The following RIMKLB variants were observed in gnomAD, a reference collection of about 807,000 sequenced individuals.
The protein encoded by RIMKLB is beta-citrylglutamate synthase B.
Under a neutral mutation model 32.0 loss-of-function variants are expected in RIMKLB, and 7 were observed. The ratio of observed to expected loss-of-function variants is 0.22; its 90% CI spans 0.12 to 0.41. The LOEUF (loss-of-function observed/expected upper bound fraction) is 0.41. Ranked by LOEUF, RIMKLB falls within the 10% of genes least tolerant of loss-of-function variation. RIMKLB has a pLI of 1.00. For missense variants in RIMKLB, 289 were observed against 498.7 expected, an observed-to-expected ratio of 0.58 and a Z score of 4.00; for synonymous variants, 172 against 185.1, an observed-to-expected ratio of 0.93 and a Z score of 0.57.
chr12:8,686,329 C>CT (rs1257363708), intron 1 of RIMKLB, among the ~76,000 whole-genome samples: 26 of 151,676 alleles, frequency 1.7e-4, no homozygotes, highest in African/African-American at 6.1e-4. Flanking sequence ...GAGTCTCACT[C>CT]TGTCACCCAG....
chr12:8,767,348 T>C lies in RIMKLB; in HGVS notation c.698-5973T>C, dbSNP rs769155600. On this transcript the variant is annotated intron_variant, in intron 5 of 5. Transcript: ENST00000535829. The stretch of plus-strand genomic sequence containing the variant: ...CCATGTCGAGAGCTGTATGCCTAAA[T>C]TGGGAGAGACACCAGGGACAAGACT... 1.5e-4 allele frequency among the ~76,000 whole-genome samples: 23 copies of C among 152,250 alleles called. No homozygotes were observed. In the East Asian group the frequency reaches 4.3e-3, roughly 28 times the overall value.
chr12:8,706,465 C>CT (rs1943891173), intron 1 of RIMKLB, among the ~76,000 whole-genome samples: 1 of 79,312 alleles, frequency 1.3e-5, no homozygotes, highest in African/African-American at 4.1e-5. Flanking sequence ...TTTTTTTTTT[C>CT]CTGAGACTGA....
At chr12:8,777,610 AC>A (rs1334630747), downstream of RIMKLB, 3 of 1,288,744 alleles carry the variant, frequency 2.3e-6, no homozygotes, top group Non-Finnish European at 3.0e-6. Context: ...AGCCAAAAAA[AC>A]AAATACAAAC....
At chr12:8,748,622 AT>A (rs747952130) in intron 2 of RIMKLB, among the ~76,000 whole-genome samples, 78 of 138,186 alleles carry the variant, frequency 5.6e-4, no homozygotes, top group East Asian at 1.2e-3. Flanking sequence ...TATATATATA[AT>A]TTTTTTTTTA....
chr12:8,677,909 T>A (rs987791823), upstream of RIMKLB, among the ~76,000 whole-genome samples: 2 of 150,752 alleles, frequency 1.3e-5, no homozygotes, highest in Non-Finnish European at 3.0e-5. Context: ...TGCGCCACCA[T>A]GCCTGGCTAA....
chr12:8,715,333 C>A (rs750443766), intron 2 of RIMKLB, among the ~76,000 whole-genome samples: 2 of 149,314 alleles, frequency 1.3e-5, no homozygotes, highest in South Asian at 4.2e-4. Flanking sequence ...CAAGTAAATT[C>A]TTGTGCCTCA....
At chr12:8,714,880 CT>C (rs1944678082) in intron 2 of RIMKLB, among the ~76,000 whole-genome samples, 1 of 152,070 alleles carries the variant, frequency 6.6e-6, no homozygotes, top group Non-Finnish European at 1.5e-5. Context: ...CACTTTCTTC[CT>C]TTGTGACTAG....
chr12:8,683,681 C>G (rs772067093), intron 1 of RIMKLB, among the ~76,000 whole-genome samples: 2 of 152,116 alleles, frequency 1.3e-5, no homozygotes, highest in African/African-American at 4.8e-5. Context: ...ATATTTGTTC[C>G]CGGTCTGGCT....
intron 5 of RIMKLB, among the ~76,000 whole-genome samples, chr12:8,771,484 T>C (rs1950389485): frequency 6.6e-6 from 1 of 152,168 alleles, no homozygotes; most frequent in African/African-American, 2.4e-5. Flanking sequence ...AAAACCAATA[T>C]ATAATTTAGA....
chr12:8,741,774 AAACT>A (rs1947556871), intron 2 of RIMKLB, among the ~76,000 whole-genome samples: 1 of 151,822 alleles, frequency 6.6e-6, no homozygotes, highest in Admixed American at 6.6e-5. Context: ...AGCAAGACCA[AAACT>A]AACTATTGGG....
At chr12:8,764,773 A>AG (rs1419621319) in intron 5 of RIMKLB, among the ~76,000 whole-genome samples, 2 of 151,986 alleles carry the variant, frequency 1.3e-5, no homozygotes, top group East Asian at 3.9e-4. Flanking sequence ...CCTTTACATA[A>AG]GGGGCATGGA....
Position 8,704,971 on chromosome 12 carries a change from AACACACACACACAC to A in RIMKLB, c.-57+6690_-57+6703del, listed in dbSNP as rs3076182. On this transcript the variant is annotated intron_variant, in intron 1 of 5. Coordinates refer to ENST00000535829, the MANE Select transcript of RIMKLB (RefSeq NM_001297776.2). Reference sequence around the variant, plus strand: ...GTGCAGAGCAAGACCTCACCTCTAAAACACACACACACACACACACACACACACAAAACCCCAAA... The same window carrying A: ...GTGCAGAGCAAGACCTCACCTCTAAAACACACACACACACAAAACCCCAAA... Among the ~76,000 whole-genome samples the A allele has an allele frequency of 2.0e-4, 30 of 146,604 alleles. 1 individual carries two copies. Among genetic ancestry groups the A allele is most frequent in the Admixed American group, 2.1e-4 (3 of 14,596 alleles).
downstream of RIMKLB, chr12:8,779,576 G>A (rs1037948206): frequency 6.6e-6 from 1 of 152,160 alleles, no homozygotes; most frequent in African/African-American, 2.4e-5. Context: ...CTAGTCTTTG[G>A]TGCTTATGTC....
chr12:8,696,267 G>C (rs1942886650), upstream of RIMKLB, among the ~76,000 whole-genome samples: 1 of 152,078 alleles, frequency 6.6e-6, no homozygotes, highest in Non-Finnish European at 1.5e-5. Flanking sequence ...GCTTCTCTTG[G>C]TCTTGGAGTT....
chr12:8,680,302 G>A (rs549876230), upstream of RIMKLB, among the ~76,000 whole-genome samples: 587 of 152,066 alleles, frequency 3.9e-3, 1 homozygote, highest in Middle Eastern at 0.014. Context: ...GACTACAGGC[G>A]CCCGCCACCA....
chr12:8,768,125 C>A (rs1453719730), intron 5 of RIMKLB, among the ~76,000 whole-genome samples: 2 of 152,158 alleles, frequency 1.3e-5, no homozygotes, highest in Non-Finnish European at 2.9e-5. Flanking sequence ...CTATTAGAAG[C>A]CATGGGTCAC....
chr12:8,726,321 A>G (rs556365686), intron 2 of RIMKLB, among the ~76,000 whole-genome samples: 4 of 152,252 alleles, frequency 2.6e-5, no homozygotes, highest in African/African-American at 9.6e-5. Context: ...TTTTTCGTAT[A>G]CTTATTTGCC....
intron 2 of RIMKLB, among the ~76,000 whole-genome samples, chr12:8,726,889 CTTCCA>C (rs201445686): frequency 0.011 from 1,646 of 152,084 alleles, 24 homozygotes; most frequent in African/African-American, 0.038. Flanking sequence ...TTATTTTTGT[CTTCCA>C]TTCTTTTTTT....
intron 2 of RIMKLB, among the ~76,000 whole-genome samples, chr12:8,715,271 C>T (rs1032259196): frequency 7.1e-6 from 1 of 141,636 alleles, no homozygotes; most frequent in African/African-American, 2.9e-5. Context: ...TGTCACCAGG[C>T]TGGAGTGCAG....
Sources: allele counts gnomAD v4.1 joint callset (sites outside exome capture counted in the v4.1 genomes callset), GRCh38; gene constraint gnomAD v4.1.1; transcripts MANE v1.5; gene names NCBI Gene and HGNC (gene_info 2026-07-23, HGNC 2026-07-21).